SP4: variants seen among roughly 807,000 people sequenced by gnomAD.
SP4 encodes transcription factor Sp4.
A neutral mutation model predicts 72.8 loss-of-function variants in SP4; 19 were observed. The ratio of observed to expected loss-of-function variants is 0.26; its 90% CI spans 0.18 to 0.38. The LOEUF (loss-of-function observed/expected upper bound fraction) is 0.38. Among genes scored for constraint, SP4 ranks in the 10% least tolerant of loss-of-function variants. The pLI is 1.00. For missense variants in SP4, 1,008 were observed against 926.3 expected, an observed-to-expected ratio of 1.09 and a Z score of -1.14; for synonymous variants, 395 against 333.1, an observed-to-expected ratio of 1.19 and a Z score of -2.02.
intron 3 of SP4, among the ~76,000 whole-genome samples, chr7:21,436,443 A>G (rs906425561): frequency 6.6e-6 from 1 of 152,224 alleles, no homozygotes; most frequent in African/African-American, 2.4e-5. Flanking sequence ...CTTGGAGATT[A>G]TGGCTCAGCA....
At position 21,494,392 on chromosome 7, in the gene SP4, C is replaced by T. The variant is rs535935088; in HGVS notation, c.2107+12269C>T. On this transcript the variant is annotated intron_variant, in intron 5 of 5. Transcript: ENST00000222584. ...TTGTCTGTATAGCAAATCCGTGGTG[C>T]CTACCAAAAAGCTTTTTGAACTAGT... is the stretch of plus-strand genomic sequence containing the variant. Among the ~76,000 whole-genome samples, 5 of 152,080 alleles carry T rather than the reference C, an allele frequency of 3.3e-5. No individual in the cohort carries two copies. The South Asian group carries it at 1.0e-3, about 32-fold the overall frequency.
chr7:21,446,005 T>C (rs1783414965), intron 3 of SP4, among the ~76,000 whole-genome samples: 1 of 119,180 alleles, frequency 8.4e-6, no homozygotes, highest in African/African-American at 3.5e-5. Flanking sequence ...TGTGTGTGTG[T>C]GTGTGTGTGT....
At chr7:21,498,263 A>T (rs905631172) in intron 5 of SP4, among the ~76,000 whole-genome samples, 3 of 152,194 alleles carry the variant, frequency 2.0e-5, no homozygotes, top group Non-Finnish European at 4.4e-5. Context: ...TCTAGAGATG[A>T]TTTAAAGTAT....
intron 5 of SP4, among the ~76,000 whole-genome samples, chr7:21,501,869 G>T (rs1427235462): frequency 1.3e-5 from 2 of 152,124 alleles, no homozygotes; most frequent in East Asian, 3.9e-4. Context: ...TTGGCTGATG[G>T]CATTTAGCTG....
rs568579838 is a variant in SP4 at position 21,475,499 on chromosome 7, G to C, written c.1679-1580G>C. Among the ~76,000 whole-genome samples the C allele has an allele frequency of 5.1e-4, 77 of 151,364 alleles. 3 individuals are homozygous for C. Among genetic ancestry groups the C allele is most frequent in the Non-Finnish European group, 1.0e-4 (7 of 67,884 alleles). ...TATTGTTATTTTGAGACAGAGTCTC[G>C]CTCTGTCGCCCAGGCTGCACAGTCT... On this transcript the variant is annotated intron_variant, in intron 3 of 5. Transcript: ENST00000222584.
intron 5 of SP4, among the ~76,000 whole-genome samples, chr7:21,498,808 G>A (rs376949847): frequency 2.0e-5 from 3 of 152,124 alleles, no homozygotes; most frequent in Non-Finnish European, 2.9e-5. Flanking sequence ...TCGTTAGGCC[G>A]GGTGCGGTGG....
At chr7:21,469,580 C>T (rs528281785) in intron 3 of SP4, among the ~76,000 whole-genome samples, 30 of 139,260 alleles carry the variant, frequency 2.2e-4, no homozygotes, top group Non-Finnish European at 4.1e-4. Context: ...CTTGCTCTGT[C>T]GCCCAGGCTG....
intron 3 of SP4, among the ~76,000 whole-genome samples, chr7:21,441,681 A>G (rs1168276094): frequency 1.3e-5 from 2 of 152,190 alleles, no homozygotes; most frequent in African/African-American, 4.8e-5. Flanking sequence ...TTTAGTTATG[A>G]ATTCACAGTG....
chr7:21,477,437 T>C, intron 4 of SP4, 130 bp downstream of exon 4: 1 of 642,538 alleles, frequency 1.6e-6, no homozygotes, highest in Non-Finnish European at 2.8e-6. Context: ...ATATATAATA[T>C]TAGAAAGGGA....
intron 3 of SP4, among the ~76,000 whole-genome samples, chr7:21,462,867 A>G (rs1032860026): frequency 3.9e-5 from 6 of 152,232 alleles, no homozygotes; most frequent in African/African-American, 1.4e-4. Flanking sequence ...TATTGAGAAA[A>G]GTTCAGCAGG....
At chr7:21,434,685 G>A (rs1439476903) in intron 3 of SP4, among the ~76,000 whole-genome samples, 1 of 151,698 alleles carries the variant, frequency 6.6e-6, no homozygotes, top group Non-Finnish European at 1.5e-5. Flanking sequence ...GGAGAAGTCT[G>A]GGATTTTAGT....
chr7:21,449,626 A>G (rs1316441251), intron 3 of SP4, among the ~76,000 whole-genome samples: 4 of 152,182 alleles, frequency 2.6e-5, no homozygotes, highest in African/African-American at 9.7e-5. Flanking sequence ...AAAAACTTTA[A>G]ACTTGATTTG....
At chr7:21,460,227 C>T (rs1376953640) in intron 3 of SP4, among the ~76,000 whole-genome samples, 1 of 152,176 alleles carries the variant, frequency 6.6e-6, no homozygotes. Context: ...GTTAACAGTT[C>T]TTAAAGGCGG....
At chr7:21,480,535 C>T (rs1181653931) in intron 4 of SP4, among the ~76,000 whole-genome samples, 2 of 152,120 alleles carry the variant, frequency 1.3e-5, no homozygotes, top group African/African-American at 2.4e-5. Flanking sequence ...CATGGTATTC[C>T]TTTGTAATCC....
chr7:21,488,715 G>A (rs78148428), intron 5 of SP4, among the ~76,000 whole-genome samples: 5,988 of 151,396 alleles, frequency 0.04, 224 homozygotes, highest in East Asian at 0.098. Context: ...CTATGATCCC[G>A]TGAATAGCCA....
At chr7:21,477,630 G>A (rs1195563070) in intron 4 of SP4, among the ~76,000 whole-genome samples, 1 of 139,552 alleles carries the variant, frequency 7.2e-6, no homozygotes, top group Non-Finnish European at 1.5e-5. Context: ...TCTGCCTCCC[G>A]GGTTCAAGCG....
At chr7:21,461,496 G>A (rs1405455694) in intron 3 of SP4, among the ~76,000 whole-genome samples, 1 of 152,216 alleles carries the variant, frequency 6.6e-6, no homozygotes, top group East Asian at 1.9e-4. Context: ...GCCCCTCACT[G>A]CCGGGGGCCA....
chr7:21,445,713 G>T (rs1281236651), intron 3 of SP4, among the ~76,000 whole-genome samples: 1 of 152,114 alleles, frequency 6.6e-6, no homozygotes, highest in African/African-American at 2.4e-5. Flanking sequence ...GGCGGGTGTT[G>T]AGAAAAGAAC....
chr7:21,440,294 A>G (rs983023741), intron 3 of SP4, among the ~76,000 whole-genome samples: 23 of 152,180 alleles, frequency 1.5e-4, no homozygotes, highest in Admixed American at 4.6e-4. Context: ...GTAAGTTAAT[A>G]TGTATGAAAA....
Sources: allele counts gnomAD v4.1 joint callset (sites outside exome capture counted in the v4.1 genomes callset), GRCh38; gene constraint gnomAD v4.1.1; transcripts MANE v1.5; gene names NCBI Gene and HGNC (gene_info 2026-07-23, HGNC 2026-07-21).